RSF1: variants seen among roughly 807,000 people sequenced by gnomAD.
RSF1 encodes the protein remodeling and spacing factor 1, also known as HBV pX-associated protein 8.
RSF1 carries 13 observed loss-of-function variants against 145.2 expected under a neutral mutation model. That is an observed-to-expected ratio of 0.09 (90% CI 0.06 to 0.14). RSF1 has a LOEUF of 0.14. Ranked by LOEUF, RSF1 falls within the 10% of genes least tolerant of loss-of-function variation. The pLI is 1.00. For missense variants in RSF1, 1,517 were observed against 1,718.2 expected (o/e 0.88, Z 2.07); for synonymous variants, 577 against 592.6 (o/e 0.97, Z 0.38).
chr11:77,755,974 T>C (rs181568611), intron 2 of RSF1, among the ~76,000 whole-genome samples: 1 of 152,274 alleles, frequency 6.6e-6, no homozygotes, highest in Non-Finnish European at 1.5e-5. Context: ...ATGATGAGTA[T>C]ATGAAAGACA....
rs1264404993 is a variant in RSF1 at position 77,665,318 on chromosome 11, T to C, written c.*1599A>G. 3.5e-4 allele frequency: 54 copies of C among 152,194 alleles called. No homozygotes were observed. Among genetic ancestry groups the C allele is most frequent in the Non-Finnish European group, 4.4e-5 (3 of 68,048 alleles). The allele number at this position is 152,194 out of a possible 1,614,324, so 9.4% of individuals were successfully genotyped here. A position where few individuals can be genotyped will look rare whatever the true frequency, so the allele number is the denominator to read the frequency against. On this transcript the variant is annotated 3_prime_UTR_variant, in exon 16 of 16. Coordinates refer to ENST00000308488, the MANE Select transcript of RSF1 (RefSeq NM_016578.4). Reference sequence around the variant, plus strand: ...GCCAGCAGCAGATATGGTGTGTCCATTGCCGGCAACAGACACAACACCGGA... The same window carrying C: ...GCCAGCAGCAGATATGGTGTGTCCACTGCCGGCAACAGACACAACACCGGA...
At chr11:77,796,487 A>G (rs1948573565) in intron 1 of RSF1, among the ~76,000 whole-genome samples, 1 of 152,174 alleles carries the variant, frequency 6.6e-6, no homozygotes, top group African/African-American at 2.4e-5. Flanking sequence ...ATCTCAATAA[A>G]CTAGATATCG....
At chr11:77,792,155 G>A (rs1948523876) in intron 1 of RSF1, among the ~76,000 whole-genome samples, 1 of 152,170 alleles carries the variant, frequency 6.6e-6, no homozygotes, top group Non-Finnish European at 1.5e-5. Flanking sequence ...GTGGATGGTG[G>A]CAGGCAGAGA....
chr11:77,855,127 G>A, the RSF1 span, among the ~76,000 whole-genome samples: 2 of 152,148 alleles, frequency 1.3e-5, no homozygotes, highest in South Asian at 2.1e-4. Context: ...GAGCAGTGAG[G>A]CCTTGTACCT....
In RSF1 at chr11:77,740,792, C is replaced by T. The variant is rs752338700; in HGVS notation, c.517G>A (p.Val173Ile). 55 of 1,614,040 alleles carry T rather than the reference C, an allele frequency of 3.4e-5. No individual in the cohort carries two copies. Among genetic ancestry groups the T allele is most frequent in the Non-Finnish European group, 3.9e-5 (46 of 1,180,038 alleles). The part of the protein sequence containing the change: ...YWYQLDQDHN[V>I]RMYIEEQDDQ... Reference sequence around the variant, plus strand: ...TCTTGTTCTTCTATGTACATTCTGACATTGTGATCTTGATCCAATTGGTAC... The same window carrying T: ...TCTTGTTCTTCTATGTACATTCTGATATTGTGATCTTGATCCAATTGGTAC... Residue 173 changes from valine to isoleucine, a missense_variant, in exon 4 of 16, where the codon GTC becomes ATC. Val to Ile is a conservative substitution (Grantham distance 29, BLOSUM62 3). This residue lies in a region of RSF1 where 94 missense variants were observed against 143.6 expected (regional missense o/e 0.65). Coordinates refer to ENST00000308488, the MANE Select transcript of RSF1 (RefSeq NM_016578.4).
At chr11:77,671,138 A>AATATAT (rs1225103987) in intron 15 of RSF1, among the ~76,000 whole-genome samples, 230 of 21,954 alleles carry the variant, frequency 0.01, 1 homozygote, top group Admixed American at 0.012. Flanking sequence ...AAAAAAAAAA[A>AATATAT]ATATATATAT....
Position 77,662,229 on chromosome 11 carries a change from A to T in RSF1, c.*4688T>A, listed in dbSNP as rs1202038127. On this transcript the variant is annotated 3_prime_UTR_variant, in exon 16 of 16. Transcript: ENST00000308488. The stretch of plus-strand genomic sequence containing the variant: ...ATATTTTAAAGTTATTAAAATAAAC[A>T]TCTTCACTAACTGAAACCATTATGA... The T allele has an allele frequency of 6.6e-6, 1 of 152,186 alleles. No individual in the cohort carries two copies. The highest frequency in any genetic ancestry group is 1.5e-5 in the Non-Finnish European group (1 of 68,006). The allele number at this position is 152,186 out of a possible 1,614,324, so 9.4% of individuals were successfully genotyped here.
chr11:77,818,984 G>C (rs532453220), intron 1 of RSF1, among the ~76,000 whole-genome samples: 1 of 152,272 alleles, frequency 6.6e-6, no homozygotes, highest in Admixed American at 6.5e-5. Context: ...GGACAGGTAA[G>C]AACAGATTAC....
intron 2 of RSF1, among the ~76,000 whole-genome samples, chr11:77,760,844 C>T (rs189117809): frequency 3.0e-4 from 45 of 152,136 alleles, no homozygotes; most frequent in African/African-American, 1.1e-3. Flanking sequence ...TTTCAGGGTA[C>T]ATATGAATAC....
intron 1 of RSF1, among the ~76,000 whole-genome samples, chr11:77,795,232 T>C (rs1263835916): frequency 6.6e-6 from 1 of 152,198 alleles, no homozygotes; most frequent in African/African-American, 2.4e-5. Context: ...CACATGTTCA[T>C]TGATTAAAAG....
chr11:77,856,345 G>T, the RSF1 span, among the ~76,000 whole-genome samples: 2 of 152,108 alleles, frequency 1.3e-5, no homozygotes, highest in Non-Finnish European at 2.9e-5. Flanking sequence ...CCATTCAACA[G>T]GTCTCTAGGA....
intron 1 of RSF1, among the ~76,000 whole-genome samples, chr11:77,816,763 C>G (rs1277441187): frequency 4.6e-5 from 7 of 152,322 alleles, no homozygotes; most frequent in African/African-American, 1.7e-4. Context: ...CCATAACCAC[C>G]ATCATCTACC....
the RSF1 span, among the ~76,000 whole-genome samples, chr11:77,841,551 G>A: frequency 1.3e-5 from 2 of 152,158 alleles, no homozygotes; most frequent in African/African-American, 4.8e-5. Context: ...TCCAGCTGTT[G>A]TATGTCTTCA....
intron 1 of RSF1, among the ~76,000 whole-genome samples, chr11:77,791,453 C>T (rs1404997579): frequency 6.6e-6 from 1 of 152,174 alleles, no homozygotes; most frequent in Non-Finnish European, 1.5e-5. Flanking sequence ...CATTTGGCCC[C>T]TCCTTACTTG....
chr11:77,678,697 T>C (rs1041741828), intron 11 of RSF1, among the ~76,000 whole-genome samples: 1 of 152,148 alleles, frequency 6.6e-6, no homozygotes, highest in Non-Finnish European at 1.5e-5. Context: ...AGAGACCCTT[T>C]GTTTCTTCCA....
intron 1 of RSF1, among the ~76,000 whole-genome samples, chr11:77,817,957 G>C (rs1948797702): frequency 2.0e-5 from 3 of 152,146 alleles, no homozygotes; most frequent in Non-Finnish European, 4.4e-5. Context: ...TCAAAGTTCT[G>C]AAAATCGTTT....
chr11:77,698,624 C>T lies in RSF1; in HGVS notation c.2578G>A (p.Asp860Asn). The T allele has an allele frequency of 6.2e-7, 1 of 1,614,136 alleles. No individual in the cohort carries two copies. Among genetic ancestry groups the T allele is most frequent in the Non-Finnish European group, 8.5e-7 (1 of 1,180,030 alleles). ...TRGRWKYSSNDESEGSGSEKS... is the reference protein window; with the variant it reads ...TRGRWKYSSNNESEGSGSEKS... ...TCACTGCCAGACCCTTCACTTTCATCATTGCTGGAATATTTCCATCTGCCA... is the reference window on the plus strand; with the variant it reads ...TCACTGCCAGACCCTTCACTTTCATTATTGCTGGAATATTTCCATCTGCCA... Residue 860 changes from aspartate to asparagine, a missense_variant, in exon 7 of 16, where the codon GAT becomes AAT. Transcript: ENST00000308488.
At chr11:77,727,718 G>T (rs558353517) in intron 4 of RSF1, among the ~76,000 whole-genome samples, 1 of 152,160 alleles carries the variant, frequency 6.6e-6, no homozygotes, top group African/African-American at 2.4e-5. Context: ...GACCTCAAGT[G>T]ATCTGCCTGC....
In RSF1 at chr11:77,692,268, G is replaced by C. The variant is rs181710473; in HGVS notation, c.2821-1030C>G. Among the ~76,000 whole-genome samples, 5 of 47,152 alleles carry C rather than the reference G, an allele frequency of 1.1e-4. 1 individual carries two copies. The highest frequency in any genetic ancestry group is 1.7e-4 in the Non-Finnish European group (5 of 29,664). The allele number at this position is 47,152 out of a possible 152,430, so 30.9% of individuals were successfully genotyped here. A position where few individuals can be genotyped will look rare whatever the true frequency, so the allele number is the denominator to read the frequency against. On this transcript the variant is annotated intron_variant, in intron 8 of 15. Transcript: ENST00000308488. ...TTTTTTTTTTTTTTTTTTTTGAGAC[G>C]GAGTCTCGCTCTGTTGCCCAGGCTG...
Sources: gnomAD v4.1 joint callset for allele counts (sites outside exome capture counted in the v4.1 genomes callset) on GRCh38, gnomAD v4.1.1 for gene constraint, gnomAD v4.1.1 regional missense constraint, MANE v1.5 for transcripts, NCBI Gene and HGNC (gene_info 2026-07-23, HGNC 2026-07-21) for gene names.